R3HDM1: variants seen among roughly 807,000 people sequenced by gnomAD.
R3HDM1 encodes R3H domain-containing protein 1.
In R3HDM1, 46 loss-of-function variants were observed where a neutral mutation model predicts 141.1. That is an observed-to-expected ratio of 0.33 (90% CI 0.26 to 0.42). The LOEUF (loss-of-function observed/expected upper bound fraction) is 0.42. Ranked by LOEUF, R3HDM1 falls within the 10% of genes least tolerant of loss-of-function variation. R3HDM1 has a pLI of 1.00. For missense variants in R3HDM1, 1,184 were observed against 1,368.3 expected, an observed-to-expected ratio of 0.87 and a Z score of 2.12; for synonymous variants, 435 against 472.9, an observed-to-expected ratio of 0.92 and a Z score of 1.04.
chr2:135,577,315 A>T, intron 1 of R3HDM1: 1 of 643,366 alleles, frequency 1.6e-6, no homozygotes, highest in South Asian at 7.0e-5. Context: ...TACCTTAGCC[A>T]AAAGGCCTAT....
chr2:135,550,722 C>A (rs533635898), intron 1 of R3HDM1, among the ~76,000 whole-genome samples: 3 of 152,152 alleles, frequency 2.0e-5, no homozygotes, highest in South Asian at 2.1e-4. Context: ...AAATATTGTG[C>A]CTTCTTTCTT....
chr2:135,602,033 TTTTTG>T (rs2059663131), intron 1 of R3HDM1, among the ~76,000 whole-genome samples: 1 of 151,920 alleles, frequency 6.6e-6, no homozygotes, highest in Non-Finnish European at 1.5e-5. Context: ...TGGCTTGTTA[TTTTTG>T]TTTTATTTTT....
intron 21 of R3HDM1, among the ~76,000 whole-genome samples, chr2:135,704,522 C>A (rs1190720233): frequency 6.7e-6 from 1 of 149,032 alleles, no homozygotes; most frequent in African/African-American, 2.5e-5. Flanking sequence ...CCAGGCCAGA[C>A]TGCAGTGGTG....
chr2:135,564,231 A>G (rs1702314174), intron 1 of R3HDM1, among the ~76,000 whole-genome samples: 1 of 152,240 alleles, frequency 6.6e-6, no homozygotes, highest in African/African-American at 2.4e-5. Flanking sequence ...CTTCTTTCTT[A>G]CCATGTGTAA....
intron 21 of R3HDM1, among the ~76,000 whole-genome samples, chr2:135,698,216 G>A (rs1252234763): frequency 2.0e-5 from 3 of 149,656 alleles, no homozygotes; most frequent in Non-Finnish European, 4.4e-5. Context: ...CTGGAGTGCA[G>A]TGGTGCGATG....
intron 16 of R3HDM1, 136 bp downstream of exon 16, chr2:135,645,663 A>G: frequency 9.5e-7 from 1 of 1,050,360 alleles, no homozygotes; most frequent in East Asian, 2.5e-5. Context: ...TATTCCACTC[A>G]CTACTCATAG....
chr2:135,672,269 G>A (rs1365180393), intron 19 of R3HDM1, among the ~76,000 whole-genome samples: 2 of 152,002 alleles, frequency 1.3e-5, no homozygotes, highest in Non-Finnish European at 2.9e-5. Flanking sequence ...GAACTTCCTG[G>A]TAGTTCTTAT....
chr2:135,567,637 G>A (rs1472314958), intron 1 of R3HDM1, among the ~76,000 whole-genome samples: 1 of 151,872 alleles, frequency 6.6e-6, no homozygotes, highest in Non-Finnish European at 1.5e-5. Context: ...TTAAACTATG[G>A]GTTTTCTTTA....
intron 9 of R3HDM1, among the ~76,000 whole-genome samples, chr2:135,634,057 G>C (rs1369573125): frequency 3.3e-5 from 5 of 152,088 alleles, no homozygotes; most frequent in Admixed American, 3.3e-4. Flanking sequence ...ATAACATACT[G>C]CCATGGTCAG....
intron 21 of R3HDM1, among the ~76,000 whole-genome samples, chr2:135,689,130 A>G (rs755459545): frequency 1.3e-5 from 2 of 152,160 alleles, no homozygotes; most frequent in Non-Finnish European, 2.9e-5. Flanking sequence ...GATGCCCTCC[A>G]GGTGATTCTA....
intron 21 of R3HDM1, among the ~76,000 whole-genome samples, chr2:135,688,966 C>T (rs1440814622): frequency 6.6e-6 from 1 of 152,150 alleles, no homozygotes; most frequent in African/African-American, 2.4e-5. Flanking sequence ...TTTTACATTT[C>T]TAGAATCTCA....
At chr2:135,719,494 AAAG>A (rs1010530413) in intron 24 of R3HDM1, among the ~76,000 whole-genome samples, 14 of 152,168 alleles carry the variant, frequency 9.2e-5, no homozygotes, top group African/African-American at 3.4e-4. Flanking sequence ...TAAAAAAAAA[AAAG>A]GAGTTATCCA....
chr2:135,599,252 G>C (rs2059430603), intron 1 of R3HDM1, among the ~76,000 whole-genome samples: 1 of 151,966 alleles, frequency 6.6e-6, no homozygotes, highest in East Asian at 1.9e-4. Flanking sequence ...TCTCTGACTT[G>C]TCCCTAATAA....
At chr2:135,661,166 A>T in intron 18 of R3HDM1, 104 bp from the exon 19 acceptor site, 1 of 1,332,452 alleles carries the variant, frequency 7.5e-7, no homozygotes, top group Non-Finnish European at 1.0e-6. Context: ...TCCAATGATT[A>T]GTGCTAAAAA....
At chr2:135,596,092 A>G (rs1198003522) in intron 1 of R3HDM1, among the ~76,000 whole-genome samples, 2 of 152,006 alleles carry the variant, frequency 1.3e-5, no homozygotes, top group Non-Finnish European at 2.9e-5. Context: ...TCCGCCTCCC[A>G]GGCTCCAGCG....
chr2:135,715,785 C>G (rs2105453649), intron 24 of R3HDM1, 91 bp downstream of exon 24: 2 of 1,462,778 alleles, frequency 1.4e-6, no homozygotes, highest in East Asian at 4.6e-5. Flanking sequence ...TATTGCCTTT[C>G]TATTTTCCAT....
At chr2:135,633,557 T>A (rs949151059) in intron 9 of R3HDM1, among the ~76,000 whole-genome samples, 1 of 152,098 alleles carries the variant, frequency 6.6e-6, no homozygotes, top group Non-Finnish European at 1.5e-5. Context: ...ATAATTATAA[T>A]CAGACAGTTC....
chr2:135,549,944 G>C, intron 1 of R3HDM1: 2 of 933,662 alleles, frequency 2.1e-6, no homozygotes, highest in South Asian at 9.9e-5. Context: ...ACACAAAGAT[G>C]TGTAACTTTT....
At chr2:135,621,162 A>G (rs190083832) in intron 5 of R3HDM1, among the ~76,000 whole-genome samples, 271 of 152,134 alleles carry the variant, frequency 1.8e-3, no homozygotes, top group Middle Eastern at 6.8e-3. Context: ...CTTCCTTGCA[A>G]AAATAAGTTA....
Sources: allele counts gnomAD v4.1 joint callset (sites outside exome capture counted in the v4.1 genomes callset), GRCh38; gene constraint gnomAD v4.1.1; transcripts MANE v1.5; gene names NCBI Gene and HGNC (gene_info 2026-07-23, HGNC 2026-07-21).